Variants in GPC6 observed in about 807,000 individuals in gnomAD.
The protein encoded by GPC6 is glypican 6, also known as glypican-6.
Under a neutral mutation model 55.2 loss-of-function variants are expected in GPC6, and 14 were observed. The observed-to-expected ratio is 0.25, with a 90% CI of 0.17 to 0.40. The LOEUF is 0.40. GPC6 is among the 10% of genes least tolerant of loss of function. The pLI is 1.00. For missense variants in GPC6, 641 were observed against 708.5 expected, an observed-to-expected ratio of 0.90 and a Z score of 1.08; for synonymous variants, 278 against 259.6, an observed-to-expected ratio of 1.07 and a Z score of -0.68.
chr13:93,726,755 A>G (rs1283190145), intron 2 of GPC6, among the ~76,000 whole-genome samples: 1 of 152,036 alleles, frequency 6.6e-6, no homozygotes, highest in Non-Finnish European at 1.5e-5. Flanking sequence ...AATGGCCTCC[A>G]TCTTCCCATT....
In GPC6 at chr13:93,945,587, C is replaced by CA. The variant is rs201675532; in HGVS notation, c.712-82134dup. Among the ~76,000 whole-genome samples the CA allele has an allele frequency of 9.7e-3, 1,472 of 151,732 alleles. 22 individuals carry two copies. The highest frequency in any genetic ancestry group is 0.033 in the African/African-American group (1,378 of 41,390). ...CCTCCTGAGTTGCAAACAGAGACAA[C>CA]AAAAAAAATAGGGAAGCCGAAAGAC... is the stretch of plus-strand genomic sequence containing the variant. On this transcript the variant is annotated intron_variant, in intron 3 of 8. Coordinates refer to ENST00000377047, the MANE Select transcript of GPC6 (RefSeq NM_005708.5).
chr13:93,578,703 T>C (rs1236323925), intron 2 of GPC6, among the ~76,000 whole-genome samples: 1 of 151,892 alleles, frequency 6.6e-6, no homozygotes, highest in Non-Finnish European at 1.5e-5. Context: ...TGATCTTTAT[T>C]ACTTTTTTTC....
At chr13:93,767,779 A>T (rs971795936) in intron 2 of GPC6, among the ~76,000 whole-genome samples, 20 of 152,290 alleles carry the variant, frequency 1.3e-4, no homozygotes, top group Admixed American at 3.3e-4. Flanking sequence ...AGAGGGGAAA[A>T]TTTGCTGAGC....
intron 2 of GPC6, among the ~76,000 whole-genome samples, chr13:93,672,395 T>C: frequency 6.6e-6 from 1 of 152,048 alleles, no homozygotes; most frequent in Non-Finnish European, 1.5e-5. Context: ...TTAGTTATCT[T>C]GCCTCTGCTG....
chr13:93,700,053 A>G (rs1385525517), intron 2 of GPC6, among the ~76,000 whole-genome samples: 2 of 152,128 alleles, frequency 1.3e-5, no homozygotes, highest in East Asian at 3.9e-4. Context: ...GAAAGACAAA[A>G]GGAAATATTT....
intron 2 of GPC6, among the ~76,000 whole-genome samples, chr13:93,646,316 G>GT (rs922757044): frequency 2.6e-5 from 4 of 151,932 alleles, no homozygotes; most frequent in South Asian, 2.1e-4. Flanking sequence ...TTTAGATTCT[G>GT]TTTTTTTCAT....
chr13:93,450,132 A>C (rs904961910), intron 1 of GPC6, among the ~76,000 whole-genome samples: 11 of 152,020 alleles, frequency 7.2e-5, no homozygotes, highest in Admixed American at 3.3e-4. Context: ...TATTTGTTTT[A>C]TCCACCACTG....
At chr13:94,083,391 T>C (rs1421641328) in intron 4 of GPC6, among the ~76,000 whole-genome samples, 1 of 152,238 alleles carries the variant, frequency 6.6e-6, no homozygotes, top group Non-Finnish European at 1.5e-5. Flanking sequence ...GTGCTGGGAT[T>C]ACAGGCATGA....
chr13:93,769,235 C>A (rs1354033928), intron 2 of GPC6, among the ~76,000 whole-genome samples: 3 of 152,128 alleles, frequency 2.0e-5, no homozygotes. Flanking sequence ...AGGAAAATTT[C>A]TTCTCAGAGA....
At chr13:93,816,122 T>A (rs1886840056) in intron 2 of GPC6, among the ~76,000 whole-genome samples, 1 of 152,188 alleles carries the variant, frequency 6.6e-6, no homozygotes, top group Non-Finnish European at 1.5e-5. Flanking sequence ...GTCATTTAAA[T>A]CTAAGATTGA....
chr13:94,065,085 A>G (rs916514502), intron 4 of GPC6, among the ~76,000 whole-genome samples: 1 of 151,348 alleles, frequency 6.6e-6, no homozygotes, highest in African/African-American at 2.5e-5. Flanking sequence ...ACAACTTTTG[A>G]TCTTTATACC....
At chr13:93,476,766 T>A (rs1014219219) in intron 1 of GPC6, among the ~76,000 whole-genome samples, 1 of 152,204 alleles carries the variant, frequency 6.6e-6, no homozygotes, top group South Asian at 2.1e-4. Flanking sequence ...TTTTGTAAGA[T>A]GGCAGACCTT....
At chr13:94,127,293 G>T (rs1354639420) in intron 4 of GPC6, among the ~76,000 whole-genome samples, 2 of 152,094 alleles carry the variant, frequency 1.3e-5, no homozygotes, top group Non-Finnish European at 2.9e-5. Context: ...TTGTTGGGAG[G>T]TGTTTGGATC....
intron 6 of GPC6, among the ~76,000 whole-genome samples, chr13:94,348,228 C>A (rs1016944179): frequency 6.6e-6 from 1 of 152,188 alleles, no homozygotes. Context: ...AACATATACT[C>A]TTATGGAGTA....
At chr13:93,310,542 A>C (rs967154469) in intron 1 of GPC6, among the ~76,000 whole-genome samples, 13 of 152,222 alleles carry the variant, frequency 8.5e-5, no homozygotes, top group African/African-American at 3.1e-4. Context: ...GACTTTCTGC[A>C]TTGCTCAGAG....
intron 3 of GPC6, among the ~76,000 whole-genome samples, chr13:93,925,151 C>G (rs924173024): frequency 6.6e-6 from 1 of 152,158 alleles, no homozygotes; most frequent in Admixed American, 6.5e-5. Flanking sequence ...CATCATTACC[C>G]ACATTTTATA....
At chr13:94,112,978 TCA>T (rs1360818088) in intron 4 of GPC6, among the ~76,000 whole-genome samples, 3 of 152,112 alleles carry the variant, frequency 2.0e-5, no homozygotes, top group Non-Finnish European at 4.4e-5. Context: ...TTACCCACAC[TCA>T]CAGAGGATTT....
chr13:93,598,738 C>A (rs1296285061), intron 2 of GPC6, among the ~76,000 whole-genome samples: 1 of 152,158 alleles, frequency 6.6e-6, no homozygotes, highest in Non-Finnish European at 1.5e-5. Flanking sequence ...ATGATTTTCC[C>A]ATATTGCCAC....
chr13:94,329,382 C>T (rs984989295), intron 6 of GPC6, among the ~76,000 whole-genome samples: 8 of 152,162 alleles, frequency 5.3e-5, no homozygotes, highest in African/African-American at 1.4e-4. Flanking sequence ...CGAAGGATGT[C>T]GTTCCCAGCA....
Sources: gnomAD v4.1 joint callset for allele counts (sites outside exome capture counted in the v4.1 genomes callset) on GRCh38, gnomAD v4.1.1 for gene constraint, MANE v1.5 for transcripts, NCBI Gene and HGNC (gene_info 2026-07-23, HGNC 2026-07-21) for gene names.